Variants in ALK observed in about 807,000 individuals in gnomAD.
ALK encodes ALK receptor tyrosine kinase, also known as ALK tyrosine kinase receptor.
ALK carries 74 observed loss-of-function variants against 163.1 expected under a neutral mutation model. That is an observed-to-expected ratio of 0.45 (90% CI 0.38 to 0.55). The LOEUF is 0.55. Among genes scored for constraint, ALK ranks in the 20% least tolerant of loss-of-function variants. ALK has a pLI of 0.00. For missense variants in ALK, 2,063 were observed against 2,105.3 expected (o/e 0.98, Z 0.39); for synonymous variants, 960 against 843.2 (o/e 1.14, Z -2.40).
intron 4 of ALK, among the ~76,000 whole-genome samples, chr2:29,527,664 T>G (rs1403101386): frequency 6.6e-6 from 1 of 152,140 alleles, no homozygotes; most frequent in Admixed American, 6.5e-5. Context: ...TGTACCACCA[T>G]GCCTGGCTAA....
chr2:29,270,868 C>T (rs1297314984), intron 11 of ALK, among the ~76,000 whole-genome samples: 1 of 152,184 alleles, frequency 6.6e-6, no homozygotes, highest in Non-Finnish European at 1.5e-5. Flanking sequence ...CTCTGGACTT[C>T]TCACATCTTG....
At chr2:29,457,842 T>A (rs778640618) in intron 4 of ALK, among the ~76,000 whole-genome samples, 2 of 152,094 alleles carry the variant, frequency 1.3e-5, no homozygotes, top group Non-Finnish European at 2.9e-5. Context: ...AAACTGATGT[T>A]TAGAGAGGTT....
intron 4 of ALK, among the ~76,000 whole-genome samples, chr2:29,455,028 C>T (rs1670915661): frequency 6.6e-6 from 1 of 152,134 alleles, no homozygotes; most frequent in African/African-American, 2.4e-5. Flanking sequence ...TCAAATCTAG[C>T]TCTCTCTCAT....
intron 3 of ALK, among the ~76,000 whole-genome samples, chr2:29,606,046 C>T (rs142897954): frequency 2.0e-5 from 3 of 152,322 alleles, no homozygotes; most frequent in East Asian, 3.9e-4. Context: ...CTGCCACCTC[C>T]CCATAACCTC....
intron 4 of ALK, among the ~76,000 whole-genome samples, chr2:29,479,801 G>T (rs12714283): frequency 0.31 from 46,355 of 151,830 alleles, 7,561 homozygotes; most frequent in African/African-American, 0.4. Flanking sequence ...CTCTGGCAGT[G>T]ACCTTGGCAA....
chr2:29,702,405 C>T (rs563584393), intron 2 of ALK, among the ~76,000 whole-genome samples: 11 of 152,242 alleles, frequency 7.2e-5, no homozygotes, highest in East Asian at 1.9e-4. Context: ...AGAGTGTCTT[C>T]GCTATCTTGA....
At chr2:29,292,802 C>T (rs371959949) in intron 9 of ALK, among the ~76,000 whole-genome samples, 29 of 152,258 alleles carry the variant, frequency 1.9e-4, no homozygotes, top group African/African-American at 6.7e-4. Context: ...TATCGCTTTA[C>T]ATGTTTGTAA....
chr2:29,397,849 C>T (rs903772323), intron 4 of ALK, among the ~76,000 whole-genome samples: 18 of 152,230 alleles, frequency 1.2e-4, no homozygotes, highest in Admixed American at 2.6e-4. Context: ...TGCCCAGGCT[C>T]ATGCTCACAC....
At chr2:29,504,493 C>G (rs1244534989) in intron 4 of ALK, among the ~76,000 whole-genome samples, 2 of 151,996 alleles carry the variant, frequency 1.3e-5, no homozygotes, top group Admixed American at 1.3e-4. Flanking sequence ...TATCAGTTGA[C>G]CAGGTGAGAG....
intron 4 of ALK, among the ~76,000 whole-genome samples, chr2:29,402,311 C>CCA (rs369041849): frequency 9.7e-4 from 148 of 152,340 alleles, no homozygotes; most frequent in Middle Eastern, 3.4e-3. Context: ...AACAACTTCC[C>CCA]CACAGGCCTG....
intron 5 of ALK, among the ~76,000 whole-genome samples, chr2:29,377,491 A>AG (rs1244116885): frequency 1.2e-3 from 189 of 151,294 alleles, no homozygotes; most frequent in Middle Eastern, 3.5e-3. Context: ...AAAAAAAAAA[A>AG]AGAGAGAGCT....
At chr2:29,650,853 G>A (rs923888000) in intron 3 of ALK, among the ~76,000 whole-genome samples, 1 of 152,092 alleles carries the variant, frequency 6.6e-6, no homozygotes, top group Non-Finnish European at 1.5e-5. Flanking sequence ...CTTTTAATGT[G>A]CTTGGTAACA....
chr2:29,614,142 C>T (rs1478494808), intron 3 of ALK, among the ~76,000 whole-genome samples: 1 of 152,152 alleles, frequency 6.6e-6, no homozygotes, highest in Non-Finnish European at 1.5e-5. Flanking sequence ...TAGACCATGG[C>T]CCTGCTTCTC....
chr2:29,371,557 C>A (rs1341024164), intron 5 of ALK, among the ~76,000 whole-genome samples: 1 of 152,218 alleles, frequency 6.6e-6, no homozygotes, highest in Non-Finnish European at 1.5e-5. Flanking sequence ...CCCCACCAAA[C>A]AAACAAAACA....
intron 19 of ALK, chr2:29,223,738 C>T (rs2148171789): frequency 1.7e-6 from 1 of 601,760 alleles, no homozygotes; most frequent in South Asian, 2.0e-5. Context: ...AGCTAAAAAT[C>T]AGATATATGG....
intron 1 of ALK, among the ~76,000 whole-genome samples, chr2:29,843,312 C>A (rs1256883589): frequency 6.6e-6 from 1 of 151,960 alleles, no homozygotes; most frequent in Admixed American, 6.6e-5. Flanking sequence ...ACGGGGCACA[C>A]ATATACACAT....
chr2:29,729,687 G>T (rs1007619197), intron 1 of ALK, among the ~76,000 whole-genome samples: 3 of 152,310 alleles, frequency 2.0e-5, no homozygotes, highest in South Asian at 2.1e-4. Context: ...GGCTCTAAAG[G>T]CAGAGGCAGT....
chr2:29,358,620 G>T (rs1438402992), intron 5 of ALK, among the ~76,000 whole-genome samples: 7 of 152,206 alleles, frequency 4.6e-5, no homozygotes, highest in Non-Finnish European at 1.0e-4. Flanking sequence ...CAGGGAATTT[G>T]ATTGTTTGCC....
intron 13 of ALK, among the ~76,000 whole-genome samples, chr2:29,234,857 T>G (rs1664326074): frequency 6.6e-6 from 1 of 152,218 alleles, no homozygotes; most frequent in Non-Finnish European, 1.5e-5. Flanking sequence ...GGACTACAGG[T>G]GCACACCACC....
Sources: gnomAD v4.1 joint callset for allele counts (sites outside exome capture counted in the v4.1 genomes callset) on GRCh38, gnomAD v4.1.1 for gene constraint, MANE v1.5 for transcripts, NCBI Gene and HGNC (gene_info 2026-07-23, HGNC 2026-07-21) for gene names.